Variants in SESTD1 observed in about 807,000 individuals in gnomAD.
SESTD1 encodes SEC14 domain and spectrin repeat-containing protein 1.
In SESTD1, 43 loss-of-function variants were observed where a neutral mutation model predicts 101.7. That is an observed-to-expected ratio of 0.42 (90% confidence interval 0.33 to 0.55). The LOEUF (loss-of-function observed/expected upper bound fraction) is 0.55. Ranked by LOEUF, SESTD1 falls within the 20% of genes least tolerant of loss-of-function variation. The pLI, the probability that SESTD1 is intolerant of heterozygous loss-of-function variation, is 0.07. For missense variants in SESTD1, 647 were observed against 815.1 expected (o/e 0.79, Z 2.51); for synonymous variants, 283 against 286.8 (o/e 0.99, Z 0.13).
chr2:179,147,563 T>C (rs1306326830), intron 7 of SESTD1, among the ~76,000 whole-genome samples: 1 of 152,176 alleles, frequency 6.6e-6, no homozygotes, highest in African/African-American at 2.4e-5. Context: ...GGTTTCACCA[T>C]GTTGGCCAGG....
rs2046651615 is a variant in SESTD1, at chr2:179,211,603, T to C, written c.-25-19737A>G. On this transcript the variant is annotated intron_variant, in intron 1 of 17. Transcript: ENST00000428443. The stretch of plus-strand genomic sequence containing the variant: ...CCCTACTAAACAAATGGTGCTGGGA[T>C]AATTGGCAAGAAACGTCACACACAC... 1.5e-5 allele frequency among the ~76,000 whole-genome samples: 2 copies of C among 133,236 alleles called. 1 individual carries two copies. The highest frequency in any genetic ancestry group is 3.2e-5 in the Non-Finnish European group (2 of 62,192). 87.4% of individuals were successfully genotyped at this position (133,236 alleles called of 152,430 possible).
intron 5 of SESTD1, among the ~76,000 whole-genome samples, chr2:179,158,319 A>G (rs891045377): frequency 6.6e-6 from 1 of 152,162 alleles, no homozygotes; most frequent in African/African-American, 2.4e-5. Context: ...TCCAATGAAG[A>G]GCTCTCGTCA....
chr2:179,131,104 G>C (rs981481341), intron 10 of SESTD1, among the ~76,000 whole-genome samples: 1 of 152,000 alleles, frequency 6.6e-6, no homozygotes, highest in Non-Finnish European at 1.5e-5. Context: ...TCCAAATCTT[G>C]TAATATCTCT....
intron 1 of SESTD1, among the ~76,000 whole-genome samples, chr2:179,193,277 G>A (rs2046344436): frequency 6.6e-6 from 1 of 152,210 alleles, no homozygotes; most frequent in African/African-American, 2.4e-5. Context: ...ATTTGCATCT[G>A]TCTTCAAAGA....
intron 9 of SESTD1, among the ~76,000 whole-genome samples, chr2:179,136,089 C>T (rs17454192): frequency 2.6e-5 from 4 of 152,132 alleles, no homozygotes; most frequent in Non-Finnish European, 4.4e-5. Flanking sequence ...AAAGAAAGCC[C>T]TAGCCATGAT....
intron 1 of SESTD1, among the ~76,000 whole-genome samples, chr2:179,245,921 A>G (rs1199185706): frequency 1.3e-5 from 2 of 152,174 alleles, no homozygotes; most frequent in Non-Finnish European, 2.9e-5. Flanking sequence ...ATATACTAAA[A>G]AGGCAACCTC....
chr2:179,225,174 T>C (rs1041507033), intron 1 of SESTD1, among the ~76,000 whole-genome samples: 1 of 152,066 alleles, frequency 6.6e-6, no homozygotes, highest in African/African-American at 2.4e-5. Context: ...GCTGGCAAAT[T>C]GATTGGTTGC....
chr2:179,210,867 C>G (rs2046642073), intron 1 of SESTD1, among the ~76,000 whole-genome samples: 1 of 134,222 alleles, frequency 7.5e-6, no homozygotes, highest in African/African-American at 2.9e-5. Flanking sequence ...TAAACGGCAT[C>G]TAAATCGGTA....
chr2:179,102,082 G>A lies in SESTD1; in HGVS notation c.*7817C>T, dbSNP rs2044284975. 1 of 151,992 alleles carries A rather than the reference G, an allele frequency of 6.6e-6. No individual in the cohort carries two copies. Among genetic ancestry groups the A allele is most frequent in the Admixed American group, 6.6e-5 (1 of 15,244 alleles). The allele number at this position is 151,992 out of a possible 1,614,324, so 9.4% of individuals were successfully genotyped here. A position where few individuals can be genotyped will look rare whatever the true frequency, so the allele number is the denominator to read the frequency against. On this transcript the variant is annotated 3_prime_UTR_variant, in exon 18 of 18. Transcript: ENST00000428443. ...CCCTAAATACACATTCACCTTTGAT[G>A]CCTTAAAAATGGACTTCTCAGTAGG... is the stretch of plus-strand genomic sequence containing the variant.
intron 1 of SESTD1, among the ~76,000 whole-genome samples, chr2:179,219,178 A>G (rs1287804995): frequency 6.6e-6 from 1 of 152,194 alleles, no homozygotes; most frequent in Admixed American, 6.5e-5. Flanking sequence ...ATGAGCTGCC[A>G]TTAGAGGGCA....
At chr2:179,122,840 G>A (rs1440497952) in intron 12 of SESTD1, among the ~76,000 whole-genome samples, 1 of 152,142 alleles carries the variant, frequency 6.6e-6, no homozygotes, top group East Asian at 1.9e-4. Flanking sequence ...AGGTTGCAGT[G>A]AGCCAAGATG....
intron 5 of SESTD1, among the ~76,000 whole-genome samples, chr2:179,155,485 T>C (rs1306360627): frequency 6.6e-6 from 1 of 152,080 alleles, no homozygotes; most frequent in African/African-American, 2.4e-5. Flanking sequence ...GCATGGTGGC[T>C]CATGTTTGTA....
chr2:179,183,809 TGGAAAGAAA>T, intron 2 of SESTD1, among the ~76,000 whole-genome samples: 1 of 132,484 alleles, frequency 7.5e-6, no homozygotes, highest in South Asian at 2.3e-4. Context: ...CAAGATTGCA[TGGAAAGAAA>T]GAAAAGAAAA....
At chr2:179,216,009 G>C (rs2046715355) in intron 1 of SESTD1, among the ~76,000 whole-genome samples, 1 of 134,814 alleles carries the variant, frequency 7.4e-6, no homozygotes, top group African/African-American at 2.9e-5. Flanking sequence ...AGAACTATAT[G>C]ACAAATGCAC....
At chr2:179,157,987 AAAGG>A (rs1347715544) in intron 5 of SESTD1, among the ~76,000 whole-genome samples, 3 of 152,140 alleles carry the variant, frequency 2.0e-5, no homozygotes. Flanking sequence ...ATAGAGGGCC[AAAGG>A]CTTTACTAGA....
At chr2:179,185,442 T>A (rs1255111191) in intron 2 of SESTD1, among the ~76,000 whole-genome samples, 1 of 143,866 alleles carries the variant, frequency 7.0e-6, no homozygotes, top group African/African-American at 2.5e-5. Context: ...TATTGTATAA[T>A]AGTAATATAT....
chr2:179,153,558 G>A (rs2045570161), intron 5 of SESTD1, among the ~76,000 whole-genome samples: 1 of 152,080 alleles, frequency 6.6e-6, no homozygotes, highest in African/African-American at 2.4e-5. Flanking sequence ...TCCAATGGAA[G>A]GTTTAGAAAT....
intron 9 of SESTD1, among the ~76,000 whole-genome samples, chr2:179,136,276 T>A (rs368760634): frequency 8.5e-5 from 13 of 152,324 alleles, no homozygotes; most frequent in African/African-American, 2.9e-4. Flanking sequence ...TTAATGATAC[T>A]AATAATTGTT....
rs971446443 is a variant in SESTD1 at position 179,107,330 on chromosome 2, C to G, written c.*2569G>C. 6 of 152,274 alleles carry G rather than the reference C, an allele frequency of 3.9e-5. No individual in the cohort carries two copies. Among genetic ancestry groups the G allele is most frequent in the Non-Finnish European group, 8.8e-5 (6 of 68,004 alleles). 9.4% of individuals were successfully genotyped at this position (152,274 alleles called of 1,614,324 possible). On this transcript the variant is annotated 3_prime_UTR_variant, in exon 18 of 18. Coordinates refer to ENST00000428443, the MANE Select transcript of SESTD1 (RefSeq NM_178123.5). ...ATTATGTTAAAATCATACTTGGCCT[C>G]ATGTGAAACACTCAATTTACAAGTA...
Sources: allele counts gnomAD v4.1 joint callset (sites outside exome capture counted in the v4.1 genomes callset), GRCh38; gene constraint gnomAD v4.1.1; transcripts MANE v1.5; gene names NCBI Gene and HGNC (gene_info 2026-07-23, HGNC 2026-07-21).